The following SLC5A9 variants were observed in gnomAD, a reference collection of about 807,000 sequenced individuals.
The protein encoded by SLC5A9 is sodium/glucose cotransporter 4.
Under a neutral mutation model 70.9 loss-of-function variants are expected in SLC5A9, and 59 were observed. The ratio of observed to expected loss-of-function variants is 0.83; its 90% CI spans 0.68 to 1.03. SLC5A9 has a LOEUF of 1.03. Among genes scored for constraint, SLC5A9 ranks in the 50% least tolerant of loss-of-function variants. SLC5A9 has a pLI of 0.00. For synonymous variants in SLC5A9, 340 were observed against 346.5 expected, an observed-to-expected ratio of 0.98 and a Z score of 0.21; for missense variants, 832 against 881.1, an observed-to-expected ratio of 0.94 and a Z score of 0.71.
intron 1 of SLC5A9, among the ~76,000 whole-genome samples, chr1:48,223,320 T>G (rs773969796): frequency 6.6e-6 from 1 of 152,168 alleles, no homozygotes; most frequent in Non-Finnish European, 1.5e-5. Context: ...AAGGGGCTCA[T>G]GTGCTCTCAG....
Position 48,232,152 on chromosome 1 carries a change from G to C in SLC5A9, c.897+1G>C, listed in dbSNP as rs1644258215. The C allele has an allele frequency of 6.2e-7, 1 of 1,608,106 alleles. No individual in the cohort carries two copies. The highest frequency in any genetic ancestry group is 1.3e-5 in the African/African-American group (1 of 74,850). On this transcript the variant is annotated splice_donor_variant, in intron 7 of 13. Coordinates refer to ENST00000438567, the MANE Select transcript of SLC5A9 (RefSeq NM_001011547.3). LOFTEE classifies it high-confidence loss of function. Reference sequence around the variant, plus strand: ...CACCTGGTGTTGGTGCACAGACCAGGTAATCCCCCAGCCAGGCTTAGCCCA... The same window carrying C: ...CACCTGGTGTTGGTGCACAGACCAGCTAATCCCCCAGCCAGGCTTAGCCCA...
Position 48,229,413 on chromosome 1 carries a change from A to G in SLC5A9, c.458A>G (p.Tyr153Cys). Residue 153 changes from tyrosine to cysteine, a missense_variant, in exon 4 of 14, where the codon TAC becomes TGC. Physicochemically the swap from Tyr to Cys is radical, Grantham distance 194. Coordinates refer to ENST00000438567, the MANE Select transcript of SLC5A9 (RefSeq NM_001011547.3). The stretch of plus-strand genomic sequence containing the variant: ...TTTGGGGGCCAGAGGATCCAGGTGT[A>G]CATGTCTGTCCTGTCTCTCATCCTC... ...KRFGGQRIQV[Y>C]MSVLSLILYI... 6.2e-7 allele frequency: 1 copy of G among 1,614,136 alleles called. No homozygotes were observed. The highest frequency in any genetic ancestry group is 8.5e-7 in the Non-Finnish European group (1 of 1,180,032).
intron 9 of SLC5A9, among the ~76,000 whole-genome samples, chr1:48,234,634 T>C (rs1181770679): frequency 6.6e-6 from 1 of 152,068 alleles, no homozygotes; most frequent in Non-Finnish European, 1.5e-5. Flanking sequence ...TCTTGGCCTT[T>C]AGGTGGTGGG....
intron 13 of SLC5A9, among the ~76,000 whole-genome samples, chr1:48,245,883 C>T (rs1458448425): frequency 6.6e-6 from 1 of 151,896 alleles, no homozygotes; most frequent in African/African-American, 2.4e-5. Context: ...ACTGCTTGAG[C>T]CCAGGAGGTT....
chr1:48,228,519 C>T (rs1644196986), intron 2 of SLC5A9: 1 of 267,558 alleles, frequency 3.7e-6, no homozygotes, highest in East Asian at 9.1e-5. Flanking sequence ...CCTTTGGAGG[C>T]CCTCAGACCC....
chr1:48,233,806 C>G (rs905375273), intron 9 of SLC5A9, 44 bp downstream of exon 9: 1 of 1,405,520 alleles, frequency 7.1e-7, no homozygotes, highest in South Asian at 1.2e-5. Flanking sequence ...TCACCTCCAG[C>G]CTCCTCCAAT....
chr1:48,228,621 C>A, intron 2 of SLC5A9: 1 of 625,596 alleles, frequency 1.6e-6, no homozygotes, highest in Middle Eastern at 3.5e-4. Flanking sequence ...CACTGGGTGA[C>A]CTGGAGCCAT....
At chr1:48,244,303 C>T (rs550203720) in intron 13 of SLC5A9, among the ~76,000 whole-genome samples, 3 of 152,280 alleles carry the variant, frequency 2.0e-5, no homozygotes, top group South Asian at 4.1e-4. Context: ...TCACTTGCTG[C>T]ACCAGCATGG....
Position 48,247,817 on chromosome 1 carries a change from A to G in SLC5A9, c.*274A>G, listed in dbSNP as rs1308116588. Reference sequence around the variant, plus strand: ...TATATTGCCTTACAGACCTACCTCAAACACACTGTTTCCACCCTCTTCTTG... The same window carrying G: ...TATATTGCCTTACAGACCTACCTCAGACACACTGTTTCCACCCTCTTCTTG... On this transcript the variant is annotated 3_prime_UTR_variant, in exon 14 of 14. Coordinates refer to ENST00000438567, the MANE Select transcript of SLC5A9 (RefSeq NM_001011547.3). The G allele has an allele frequency of 8.0e-6, 4 of 497,150 alleles. No homozygotes were observed. Among genetic ancestry groups the G allele is most frequent in the Non-Finnish European group, 1.5e-5 (4 of 274,268 alleles). The allele number at this position is 497,150 out of a possible 1,614,324, so 30.8% of individuals were successfully genotyped here. A position where few individuals can be genotyped will look rare whatever the true frequency, so the allele number is the denominator to read the frequency against.
intron 2 of SLC5A9, among the ~76,000 whole-genome samples, chr1:48,226,375 G>T (rs7554493): frequency 0.021 from 3,264 of 152,096 alleles, 129 homozygotes; most frequent in African/African-American, 0.074. Context: ...GGAACCTGAG[G>T]CCTCCAAACA....
At chr1:48,241,230 T>G (rs549017568) in intron 12 of SLC5A9, 5 of 152,430 alleles carry the variant, frequency 3.3e-5, no homozygotes, top group Non-Finnish European at 7.3e-5. Flanking sequence ...CAATTCTCTA[T>G]CTACAGCCAA....
At chr1:48,243,891 A>G (rs1644420169) in intron 13 of SLC5A9, among the ~76,000 whole-genome samples, 1 of 152,260 alleles carries the variant, frequency 6.6e-6, no homozygotes, top group Admixed American at 6.5e-5. Context: ...TCAGTGAAAG[A>G]AAGTCTTAAT....
Position 48,227,569 on chromosome 1 carries a change from AGT to A in SLC5A9, c.235-1268_235-1267del, listed in dbSNP as rs752449885. On this transcript the variant is annotated intron_variant, in intron 2 of 13. Transcript: ENST00000438567. Reference sequence around the variant, plus strand: ...GTGGGTGTGAGTGCATGTGTGTCAGAGTGTGTGTGTGTGTACTGTGCCTGTGT... The same window carrying A: ...GTGGGTGTGAGTGCATGTGTGTCAGAGTGTGTGTGTGTACTGTGCCTGTGT... 1.8e-3 allele frequency among the ~76,000 whole-genome samples: 154 copies of A among 87,062 alleles called. No individual in the cohort carries two copies. In the South Asian group the frequency reaches 0.021, roughly 12 times the overall value. 57.1% of individuals were successfully genotyped at this position (87,062 alleles called of 152,430 possible). A position where few individuals can be genotyped will look rare whatever the true frequency, so the allele number is the denominator to read the frequency against.
At chr1:48,224,248 A>G (rs1016824201) in intron 1 of SLC5A9, among the ~76,000 whole-genome samples, 1 of 152,182 alleles carries the variant, frequency 6.6e-6, no homozygotes, top group African/African-American at 2.4e-5. Context: ...AACAGTACCC[A>G]TAACTCTACT....
At position 48,231,581 on chromosome 1, in the gene SLC5A9, A is replaced by T. The variant is rs1208178404; in HGVS notation, c.647A>T (p.Gln216Leu). ...LMAVIYTDAL[Q>L]TVIMVGGALV... ...GCCGTGATCTACACAGATGCTCTGC[A>T]GACGGTGATCATGGTAGGGGGAGCC... Residue 216 changes from glutamine (Q) to leucine (L), a missense_variant, in exon 6 of 14, where the codon CAG becomes CTG. Gln to Leu is a moderately radical substitution (Grantham distance 113). Transcript: ENST00000438567. 1 of 1,614,176 alleles carries T rather than the reference A, an allele frequency of 6.2e-7. No individual in the cohort carries two copies. The highest frequency in any genetic ancestry group is 1.1e-5 in the South Asian group (1 of 91,082).
rs868262367 is a variant in SLC5A9 at position 48,235,823 on chromosome 1, T to A, written c.1236T>A (p.Asp412Glu). ...GCAGCAGCACCCTGTTCACCATTGA[T>A]GTGTGGCAGCGCTTCCGCAGGAAGT... is the stretch of plus-strand genomic sequence containing the variant. Reference protein sequence around the residue: ...FNSSSTLFTIDVWQRFRRKST... With the variant: ...FNSSSTLFTIEVWQRFRRKST... The change falls in exon 10 of 14, where the codon GAT becomes GAA. Residue 412 changes from aspartate (D) to glutamate (E), a missense_variant. Physicochemically the swap from Asp to Glu is conservative, Grantham distance 45. Transcript: ENST00000438567. 3.7e-6 allele frequency: 6 copies of A among 1,614,108 alleles called. No individual in the cohort carries two copies. The highest frequency in any genetic ancestry group is 1.6e-4 in the Middle Eastern group (1 of 6,084).
chr1:48,226,450 G>A (rs1644148056), intron 2 of SLC5A9, among the ~76,000 whole-genome samples: 2 of 152,338 alleles, frequency 1.3e-5, no homozygotes, highest in South Asian at 2.1e-4. Context: ...CAGGCACCCA[G>A]TGGGAAAGAG....
intron 2 of SLC5A9, chr1:48,227,817 AC>A (rs1212844293): frequency 6.6e-6 from 1 of 152,120 alleles, no homozygotes; most frequent in Non-Finnish European, 1.5e-5. Flanking sequence ...CTCTCACAGC[AC>A]CTCCGGAAGA....
In SLC5A9 at chr1:48,223,509, C is replaced by A. The variant is rs116696570; in HGVS notation, c.162+611C>A. 2.7e-3 allele frequency among the ~76,000 whole-genome samples: 418 copies of A among 152,220 alleles called. 1 individual carries two copies. The highest frequency in any genetic ancestry group is 8.6e-3 in the African/African-American group (357 of 41,526). Reference sequence around the variant, plus strand: ...AGGCCTATCAGCTTTCTCAGGTGAACAATGAGAATAAGGACTATGCTGTGA... The same window carrying A: ...AGGCCTATCAGCTTTCTCAGGTGAAAAATGAGAATAAGGACTATGCTGTGA... On this transcript the variant is annotated intron_variant, in intron 1 of 13. Coordinates refer to ENST00000438567, the MANE Select transcript of SLC5A9 (RefSeq NM_001011547.3).
Sources: gnomAD v4.1 joint callset for allele counts (sites outside exome capture counted in the v4.1 genomes callset) on GRCh38, gnomAD v4.1.1 for gene constraint, MANE v1.5 for transcripts, NCBI Gene and HGNC (gene_info 2026-07-23, HGNC 2026-07-21) for gene names.